HMCN1: variants seen among roughly 807,000 people sequenced by gnomAD.
The protein encoded by HMCN1 is hemicentin 1, also known as hemicentin-1.
HMCN1 carries 321 observed loss-of-function variants against 625.9 expected under a neutral mutation model. The ratio of observed to expected loss-of-function variants is 0.51; its 90% CI spans 0.47 to 0.56. The LOEUF is 0.56. HMCN1 is among the 20% of genes least tolerant of loss of function. The pLI, the probability that HMCN1 is intolerant of heterozygous loss-of-function variation, is 0.00. For synonymous variants in HMCN1, 2,425 were observed against 2,417.6 expected, an observed-to-expected ratio of 1.00 and a Z score of -0.09; for missense variants, 6,588 against 6,887.3, an observed-to-expected ratio of 0.96 and a Z score of 1.54.
At chr1:185,761,229 A>T (rs1233806007) in intron 1 of HMCN1, among the ~76,000 whole-genome samples, 5 of 152,100 alleles carry the variant, frequency 3.3e-5, no homozygotes, top group African/African-American at 1.2e-4. Flanking sequence ...GTGAAATGGG[A>T]GAGCAGTCAG....
intron 82 of HMCN1, among the ~76,000 whole-genome samples, chr1:186,126,818 C>T (rs1661669108): frequency 6.6e-6 from 1 of 152,034 alleles, no homozygotes; most frequent in African/African-American, 2.4e-5. Flanking sequence ...AGTCAGAATC[C>T]ATTGCAGGTT....
Position 186,086,375 on chromosome 1 carries a change from T to A in HMCN1, c.9014T>A (p.Ile3005Asn). 1 of 1,613,296 alleles carries A rather than the reference T, an allele frequency of 6.2e-7. No individual in the cohort carries two copies. The highest frequency in any genetic ancestry group is 8.5e-7 in the Non-Finnish European group (1 of 1,179,518). Residue 3005 changes from isoleucine to asparagine, a missense_variant, in exon 58 of 107, where the codon ATC becomes AAC. Ile to Asn is a moderately radical substitution (Grantham distance 149). Transcript: ENST00000271588. The stretch of plus-strand genomic sequence containing the variant: ...AGCTGGCTCAAGAATGAACAGCCCA[T>A]CAAACTGAACACAAATACTCTCATT... ...DLSWLKNEQP[I>N]KLNTNTLIVP...
At position 185,928,640 on chromosome 1, in the gene HMCN1, C is replaced by T. The variant is rs531770127; in HGVS notation, c.1525C>T (p.Arg509Trp). 39 of 1,613,446 alleles carry T rather than the reference C, an allele frequency of 2.4e-5. No individual in the cohort carries two copies. Among genetic ancestry groups the T allele is most frequent in the Middle Eastern group, 3.3e-4 (2 of 6,062 alleles). The change falls in exon 10 of 107, where the codon CGG (arginine) becomes TGG (tryptophan). Residue 509 changes from arginine to tryptophan, a missense_variant. Around this residue, in one of 3 missense-constraint regions of HMCN1, gnomAD observed 4,628 missense variants for 4,853.1 expected, o/e 0.95. Transcript: ENST00000271588. ...TGCTGTCAGCAGTGCAGGTACTGGA[C>T]GGGCACAGACATTTTTTGACGTATC... is the stretch of plus-strand genomic sequence containing the variant. The part of the protein sequence containing the change: ...CIAVSSAGTG[R>W]AQTFFDVSEP...
intron 1 of HMCN1, among the ~76,000 whole-genome samples, chr1:185,766,489 C>G (rs541525443): frequency 6.6e-6 from 1 of 151,988 alleles, no homozygotes; most frequent in Admixed American, 6.6e-5. Flanking sequence ...CTCTTCTGGC[C>G]GTCTCAGGAA....
intron 1 of HMCN1, among the ~76,000 whole-genome samples, chr1:185,841,078 G>T (rs1020909092): frequency 1.3e-5 from 2 of 152,076 alleles, no homozygotes; most frequent in African/African-American, 4.8e-5. Flanking sequence ...ATATTACATT[G>T]TGAATTTTTT....
chr1:185,798,649 C>G (rs1297270067), intron 1 of HMCN1, among the ~76,000 whole-genome samples: 4 of 151,880 alleles, frequency 2.6e-5, no homozygotes, highest in African/African-American at 9.7e-5. Context: ...CTTTCTTCTG[C>G]TTGTTCTAGT....
In HMCN1 at chr1:186,057,114, G is replaced by C. The variant is rs571519891; in HGVS notation, c.7145-120G>C. ...TTTTGCTTACTATTAATCAGAAAAT[G>C]GAAGTCTTATTAACATACACTGTTT... On this transcript the variant is annotated intron_variant, in intron 45 of 106. Coordinates refer to ENST00000271588, the MANE Select transcript of HMCN1 (RefSeq NM_031935.3). 3.2e-4 allele frequency: 254 copies of C among 799,610 alleles called. 2 individuals are homozygous for C. In the South Asian group the frequency reaches 3.3e-3, roughly 10 times the overall value. The allele number at this position is 799,610 out of a possible 1,614,324, so 49.5% of individuals were successfully genotyped here. A position where few individuals can be genotyped will look rare whatever the true frequency, so the allele number is the denominator to read the frequency against.
intron 97 of HMCN1, among the ~76,000 whole-genome samples, chr1:186,158,518 T>C (rs1651195889): frequency 6.6e-6 from 1 of 152,250 alleles, no homozygotes; most frequent in Non-Finnish European, 1.5e-5. Context: ...CCTGTGCTTA[T>C]GTCCTGAATG....
intron 29 of HMCN1, among the ~76,000 whole-genome samples, chr1:186,006,477 C>T (rs1197510538): frequency 2.6e-5 from 4 of 151,922 alleles, no homozygotes; most frequent in East Asian, 3.9e-4. Flanking sequence ...ATAAACTGAG[C>T]GTTTTATAGT....
At chr1:185,915,046 T>G (rs1251324975) in intron 6 of HMCN1, among the ~76,000 whole-genome samples, 1 of 152,064 alleles carries the variant, frequency 6.6e-6, no homozygotes, top group South Asian at 2.1e-4. Flanking sequence ...GAGTGGCAGT[T>G]TCTTTTCTTC....
intron 100 of HMCN1, among the ~76,000 whole-genome samples, chr1:186,168,072 G>T (rs1242090824): frequency 6.6e-6 from 1 of 151,684 alleles, no homozygotes; most frequent in Non-Finnish European, 1.5e-5. Context: ...GTATAATTTT[G>T]CAGAAAAGAG....
Position 186,065,273 on chromosome 1 carries a change from G to A in HMCN1, c.7549G>A (p.Gly2517Arg), listed in dbSNP as rs1424541351. 3 of 1,612,428 alleles carry A rather than the reference G, an allele frequency of 1.9e-6. No individual in the cohort carries two copies. The highest frequency in any genetic ancestry group is 2.2e-5 in the South Asian group (2 of 91,002). The change falls in exon 49 of 107, where the codon GGG becomes AGG. Residue 2517 changes from glycine (G) to arginine (R), a missense_variant. This residue lies in a region of HMCN1 where 4,628 missense variants were observed against 4,853.1 expected (regional missense o/e 0.95). Coordinates refer to ENST00000271588, the MANE Select transcript of HMCN1 (RefSeq NM_031935.3). ...GCCAGAAATTACATGGCACAAAGAT[G>A]GGCAGCCCCTCCAAGAAGATGAAGC... ...PVPEITWHKD[G>R]QPLQEDEAHH...
At chr1:185,862,623 A>G (rs1337235790) in intron 2 of HMCN1, among the ~76,000 whole-genome samples, 1 of 152,184 alleles carries the variant, frequency 6.6e-6, no homozygotes, top group Admixed American at 6.5e-5. Flanking sequence ...AGAGATAAGT[A>G]TGGTCAAAAG....
At position 186,038,048 on chromosome 1, in the gene HMCN1, T is replaced by C. The variant is rs1227966186; in HGVS notation, c.5851+13T>C. On this transcript the variant is annotated intron_variant, in intron 37 of 106. Transcript: ENST00000271588. The stretch of plus-strand genomic sequence containing the variant: ...AATCCTGTGCCTGGTACATTTACTT[T>C]TGAACTCTGTAACTTAATATTTTAA... 2.7e-6 allele frequency: 4 copies of C among 1,496,384 alleles called. No individual in the cohort carries two copies. Among genetic ancestry groups the C allele is most frequent in the Non-Finnish European group, 3.7e-6 (4 of 1,072,470 alleles). The allele number at this position is 1,496,384 out of a possible 1,614,324, so 92.7% of individuals were successfully genotyped here.
intron 15 of HMCN1, among the ~76,000 whole-genome samples, chr1:185,970,712 GCAGTAGTGCTATCTCGGCT>G (rs1208107863): frequency 6.6e-6 from 1 of 151,834 alleles, no homozygotes; most frequent in Admixed American, 6.6e-5. Flanking sequence ...AGGCTGGAGT[GCAGTAGTGCTATCTCGGCT>G]CACTGCAACC....
intron 11 of HMCN1, among the ~76,000 whole-genome samples, chr1:185,953,820 G>A (rs1449458897): frequency 4.6e-5 from 7 of 151,786 alleles, no homozygotes; most frequent in Non-Finnish European, 7.4e-5. Flanking sequence ...CAACATGGCT[G>A]TTTATTTCAC....
chr1:185,920,994 G>A lies in HMCN1; in HGVS notation c.901-1385G>A, dbSNP rs1440447940. On this transcript the variant is annotated intron_variant, in intron 6 of 106. Transcript: ENST00000271588. ...AAGCTCTACATTATCTAAAGAAATT[G>A]ACATTAGAATTACCAAAGTTTTATA... is the stretch of plus-strand genomic sequence containing the variant. 2.6e-5 allele frequency among the ~76,000 whole-genome samples: 4 copies of A among 152,224 alleles called. No homozygotes were observed. In the East Asian group the frequency reaches 7.7e-4, roughly 29 times the overall value.
chr1:185,830,243 T>C (rs745777274), intron 1 of HMCN1, among the ~76,000 whole-genome samples: 10 of 152,192 alleles, frequency 6.6e-5, no homozygotes, highest in Non-Finnish European at 1.3e-4. Flanking sequence ...CAGAAGCTCT[T>C]TAGTTTAATT....
intron 1 of HMCN1, among the ~76,000 whole-genome samples, chr1:185,801,883 C>T (rs1031577638): frequency 1.3e-5 from 2 of 151,896 alleles, no homozygotes; most frequent in Admixed American, 6.6e-5. Flanking sequence ...ATCCTATGAG[C>T]GATAGAAAGT....
Sources: gnomAD v4.1 joint callset for allele counts (sites outside exome capture counted in the v4.1 genomes callset) on GRCh38, gnomAD v4.1.1 for gene constraint, gnomAD v4.1.1 regional missense constraint, MANE v1.5 for transcripts, NCBI Gene and HGNC (gene_info 2026-07-23, HGNC 2026-07-21) for gene names.